LMO7: variants seen among roughly 807,000 people sequenced by gnomAD.
The protein encoded by LMO7 is LIM domain 7.
In LMO7, 120 loss-of-function variants were observed where a neutral mutation model predicts 206.5. That is an observed-to-expected ratio of 0.58 (90% CI 0.50 to 0.68). The LOEUF (loss-of-function observed/expected upper bound fraction) is 0.68, where lower values mean the gene tolerates loss of function less well. Ranked by LOEUF, LMO7 falls within the 30% of genes least tolerant of loss-of-function variation. The probability of loss-of-function intolerance (pLI) is 0.00; values close to 1 mark genes in which losing one functional copy is unlikely to be tolerated. For synonymous variants in LMO7, 706 were observed against 681.5 expected (o/e 1.04, Z -0.56); for missense variants, 1,959 against 1,957.9 (o/e 1.00, Z -0.01).
Position 75,841,652 on chromosome 13 carries a change from A to G in LMO7, c.3700A>G (p.Ser1234Gly). The change falls in exon 24 of 31, where the codon AGC becomes GGC. Residue 1234 changes from serine (S) to glycine (G), a missense_variant. Physicochemically the swap from Ser to Gly is moderately conservative, Grantham distance 56 (BLOSUM62 0). Coordinates refer to ENST00000377534, the MANE Select transcript of LMO7 (RefSeq NM_001306080.2). ...GGAACTGATGGTCCTAAGCTCAAAC[A>G]GCATGTCTCTGACCACACGGGAGCC... ...DEELMVLSSNSMSLTTREPSL... is the reference protein window; with the variant it reads ...DEELMVLSSNGMSLTTREPSL... 1 of 1,613,246 alleles carries G rather than the reference A, an allele frequency of 6.2e-7. No homozygotes were observed. The highest frequency in any genetic ancestry group is 1.3e-5 in the African/African-American group (1 of 74,958).
chr13:75,791,732 T>C (rs1242105184), intron 4 of LMO7, among the ~76,000 whole-genome samples: 1 of 152,140 alleles, frequency 6.6e-6, no homozygotes, highest in Non-Finnish European at 1.5e-5. Context: ...CTAGTTGCAG[T>C]TCTAAATATT....
chr13:75,775,332 G>A (rs1399015461), intron 4 of LMO7, among the ~76,000 whole-genome samples: 1 of 152,050 alleles, frequency 6.6e-6, no homozygotes, highest in Non-Finnish European at 1.5e-5. Flanking sequence ...AGACTTAAAT[G>A]TAAGGCCTGA....
chr13:75,660,275 A>G (rs2038451803), intron 1 of LMO7, among the ~76,000 whole-genome samples: 1 of 152,172 alleles, frequency 6.6e-6, no homozygotes, highest in Non-Finnish European at 1.5e-5. Context: ...ATTGTATTAG[A>G]TCTTTGTTTA....
intron 20 of LMO7, chr13:75,838,454 A>T (rs1212032635): frequency 0.023 from 840 of 36,362 alleles, no homozygotes; most frequent in South Asian, 0.079. Context: ...TTAACTTTGT[A>T]AAAAAAAAAA....
intron 1 of LMO7, among the ~76,000 whole-genome samples, chr13:75,644,233 AC>A (rs2036816918): frequency 6.6e-6 from 1 of 152,116 alleles, no homozygotes; most frequent in South Asian, 2.1e-4. Flanking sequence ...AGTGCATTAT[AC>A]CCACATATCT....
intron 3 of LMO7, among the ~76,000 whole-genome samples, chr13:75,731,725 C>A (rs148886561): frequency 0.026 from 3,890 of 151,970 alleles, 89 homozygotes; most frequent in Non-Finnish European, 0.041. Flanking sequence ...TTCCTAGTCT[C>A]GATGGTCTTT....
chr13:75,628,712 TAGA>T (rs2034524687), intron 2 of LMO7: 1 of 152,210 alleles, frequency 6.6e-6, no homozygotes, highest in South Asian at 2.1e-4. Context: ...GTTCTTTTAT[TAGA>T]AGAACTCCCA....
In LMO7 at chr13:75,808,191, G is replaced by A. The variant is rs762062880; in HGVS notation, c.1908G>A (p.Met636Ile). The part of the protein sequence containing the change: ...ASRLRHKKRL[M>I]VERLFQKIYG... ...GACTTAGGCACAAGAAAAGGCTGAT[G>A]GTGGAGAGGTCAGAGTGTGTTTCTG... The change falls in exon 10 of 31, where the codon ATG (methionine) becomes ATA (isoleucine). Residue 636 changes from methionine (M) to isoleucine (I), a missense_variant. By Grantham distance (10) the Met-to-Ile change is conservative. Coordinates refer to ENST00000377534, the MANE Select transcript of LMO7 (RefSeq NM_001306080.2). 1.2e-6 allele frequency: 2 copies of A among 1,611,044 alleles called. No individual in the cohort carries two copies. The highest frequency in any genetic ancestry group is 2.2e-5 in the South Asian group (2 of 90,808).
At chr13:75,832,597 T>C (rs1208340186) in intron 15 of LMO7, among the ~76,000 whole-genome samples, 2 of 152,214 alleles carry the variant, frequency 1.3e-5, no homozygotes, top group African/African-American at 4.8e-5. Context: ...GGCTAAATTA[T>C]GTGTCTGTGA....
intron 3 of LMO7, among the ~76,000 whole-genome samples, chr13:75,730,130 A>T (rs2044987467): frequency 2.0e-5 from 3 of 152,024 alleles, no homozygotes; most frequent in Admixed American, 6.5e-5. Flanking sequence ...TATCAGGATG[A>T]TGCTGGCCTC....
chr13:75,804,753 T>A (rs2055217782), intron 8 of LMO7: 3 of 1,021,362 alleles, frequency 2.9e-6, no homozygotes, highest in Non-Finnish European at 3.9e-6. Flanking sequence ...TTGCTAGGTC[T>A]TTTTTTAGAT....
In LMO7 at chr13:75,684,795, ATG is replaced by A. The variant is rs202135001; in HGVS notation, c.70-28375_70-28374del. On this transcript the variant is annotated intron_variant, in intron 1 of 30. Coordinates refer to ENST00000377534, the MANE Select transcript of LMO7 (RefSeq NM_001306080.2). The stretch of plus-strand genomic sequence containing the variant: ...TGTGTGTATATACGTATGTGTATAT[ATG>A]TGTGTGTGTGTATATGTATATACAT... 7.9e-4 allele frequency among the ~76,000 whole-genome samples: 119 copies of A among 151,018 alleles called. No individual in the cohort carries two copies. In the East Asian group the frequency reaches 0.012, roughly 16 times the overall value.
intron 2 of LMO7, among the ~76,000 whole-genome samples, chr13:75,726,742 TTTTC>T (rs1670815554): frequency 6.6e-6 from 1 of 152,144 alleles, no homozygotes; most frequent in South Asian, 2.1e-4. Context: ...GAAATATTAC[TTTTC>T]TTTAATGTGA....
At chr13:75,688,197 G>T (rs1275053364) in intron 1 of LMO7, among the ~76,000 whole-genome samples, 1 of 152,134 alleles carries the variant, frequency 6.6e-6, no homozygotes, top group Non-Finnish European at 1.5e-5. Flanking sequence ...TGAGAGCAGA[G>T]TAACACAGTA....
intron 3 of LMO7, among the ~76,000 whole-genome samples, chr13:75,730,497 C>T (rs1028721292): frequency 8.6e-5 from 13 of 151,912 alleles, no homozygotes; most frequent in Non-Finnish European, 1.3e-4. Context: ...TTTTTTGTTG[C>T]GTCTATTTGA....
At chr13:75,626,595 A>ATATATATTTTTTTTTTTTTTTT in intron 2 of LMO7, among the ~76,000 whole-genome samples, 7 of 71,180 alleles carry the variant, frequency 9.8e-5, no homozygotes, top group East Asian at 5.9e-4. Context: ...ATATATATAA[A>ATATATATTTTTTTTTTTTTTTT]TTTTTTTGAG....
chr13:75,803,625 A>G (rs1281795083), intron 7 of LMO7, among the ~76,000 whole-genome samples: 1 of 152,188 alleles, frequency 6.6e-6, no homozygotes, highest in African/African-American at 2.4e-5. Context: ...TTGTGTTTAA[A>G]TGATTTTGAA....
rs113313923 is a variant in LMO7 at position 75,690,360 on chromosome 13, C to T, written c.70-22822C>T. Among the ~76,000 whole-genome samples the T allele has an allele frequency of 9.0e-3, 1,370 of 152,122 alleles. 24 individuals carry two copies. Among genetic ancestry groups the T allele is most frequent in the East Asian group, 0.054 (278 of 5,176 alleles). ...TTTGATCTGCCTACACTAGGCTTTCCGGGAGGCCTGCCCAAAATGTCACCA... is the reference window on the plus strand; with the variant it reads ...TTTGATCTGCCTACACTAGGCTTTCTGGGAGGCCTGCCCAAAATGTCACCA... On this transcript the variant is annotated intron_variant, in intron 1 of 30. Coordinates refer to ENST00000377534, the MANE Select transcript of LMO7 (RefSeq NM_001306080.2).
chr13:75,735,223 T>A (rs571716989), intron 3 of LMO7, among the ~76,000 whole-genome samples: 1 of 152,030 alleles, frequency 6.6e-6, no homozygotes, highest in African/African-American at 2.4e-5. Context: ...AAAATCATTC[T>A]CATGCTGTGA....
Sources: allele counts gnomAD v4.1 joint callset (sites outside exome capture counted in the v4.1 genomes callset), GRCh38; gene constraint gnomAD v4.1.1; transcripts MANE v1.5; gene names NCBI Gene and HGNC (gene_info 2026-07-23, HGNC 2026-07-21).